Variants in CCDC60 observed in about 807,000 individuals in gnomAD.
CCDC60 encodes the protein coiled-coil domain-containing protein 60.
A neutral mutation model predicts 63.5 loss-of-function variants in CCDC60; 54 were observed. The ratio of observed to expected loss-of-function variants is 0.85; its 90% CI spans 0.68 to 1.07. The LOEUF (loss-of-function observed/expected upper bound fraction) is 1.07, where lower values mean the gene tolerates loss of function less well. Ranked by LOEUF, CCDC60 falls within the 50% of genes least tolerant of loss-of-function variation. CCDC60 has a pLI of 0.00. For missense variants in CCDC60, 651 were observed against 684.3 expected (o/e 0.95, Z 0.54); for synonymous variants, 206 against 238.8 (o/e 0.86, Z 1.27).
chr12:119,338,143 G>C (rs1394717128), intron 1 of CCDC60, among the ~76,000 whole-genome samples: 2 of 151,972 alleles, frequency 1.3e-5, no homozygotes, highest in East Asian at 1.9e-4. Context: ...AGACCCCAGG[G>C]GTTCCTAGCT....
At chr12:119,519,399 A>ATG (rs1307927261) in intron 8 of CCDC60, among the ~76,000 whole-genome samples, 1 of 99,900 alleles carries the variant, frequency 1.0e-5, no homozygotes, top group Non-Finnish European at 2.0e-5. Flanking sequence ...GTAGTGATAT[A>ATG]TATGTGTGTG....
chr12:119,531,286 TG>T (rs1952834034), intron 13 of CCDC60, among the ~76,000 whole-genome samples: 1 of 152,202 alleles, frequency 6.6e-6, no homozygotes, highest in Non-Finnish European at 1.5e-5. Context: ...TCAGAGGCTT[TG>T]GGGTGGCATA....
chr12:119,459,934 T>G (rs949798849), intron 2 of CCDC60, among the ~76,000 whole-genome samples: 2 of 152,228 alleles, frequency 1.3e-5, no homozygotes, highest in African/African-American at 2.4e-5. Context: ...ATACAACTTT[T>G]TCTCTATTGC....
intron 3 of CCDC60, among the ~76,000 whole-genome samples, chr12:119,476,814 A>G (rs1327383901): frequency 6.6e-6 from 1 of 152,092 alleles, no homozygotes; most frequent in East Asian, 1.9e-4. Flanking sequence ...TACTCATGAC[A>G]TGGCCTCCTC....
In CCDC60 at chr12:119,465,049, T is replaced by C. The variant is rs568458470; in HGVS notation, c.171-6945T>C. On this transcript the variant is annotated intron_variant, in intron 2 of 13. Coordinates refer to ENST00000327554, the MANE Select transcript of CCDC60 (RefSeq NM_178499.5). Reference sequence around the variant, plus strand: ...TCTCTGGGCCAGGCGCGGTGGCTCATGCCTGTAATCCCAGCACTTTGGGAG... The same window carrying C: ...TCTCTGGGCCAGGCGCGGTGGCTCACGCCTGTAATCCCAGCACTTTGGGAG... Among the ~76,000 whole-genome samples the C allele has an allele frequency of 1.5e-3, 229 of 152,330 alleles. 3 individuals are homozygous for C. The South Asian group carries it at 0.016, about 11-fold the overall frequency.
chr12:119,491,735 G>A (rs1214540666), intron 5 of CCDC60, among the ~76,000 whole-genome samples: 1 of 145,534 alleles, frequency 6.9e-6, no homozygotes, highest in East Asian at 2.0e-4. Context: ...TTCCTTACTT[G>A]ATTGCTTACA....
intron 7 of CCDC60, among the ~76,000 whole-genome samples, chr12:119,510,413 C>A (rs1218435424): frequency 6.6e-6 from 1 of 152,172 alleles, no homozygotes; most frequent in Admixed American, 6.5e-5. Context: ...GCTGAACCTT[C>A]AAGACCCAGT....
At chr12:119,458,001 G>T (rs1950780020) in intron 2 of CCDC60, among the ~76,000 whole-genome samples, 1 of 152,054 alleles carries the variant, frequency 6.6e-6, no homozygotes, top group Non-Finnish European at 1.5e-5. Context: ...TGCCTCTATG[G>T]GTTGCCTGAA....
intron 2 of CCDC60, among the ~76,000 whole-genome samples, chr12:119,459,624 C>T (rs1257155749): frequency 6.6e-6 from 1 of 152,192 alleles, no homozygotes; most frequent in Non-Finnish European, 1.5e-5. Context: ...ATTGTAAAAC[C>T]TAAGACAGGT....
chr12:119,475,993 T>TA (rs1312855627), intron 3 of CCDC60, among the ~76,000 whole-genome samples: 1 of 152,132 alleles, frequency 6.6e-6, no homozygotes, highest in Non-Finnish European at 1.5e-5. Context: ...CACAAAAGTA[T>TA]AAAAAATACA....
chr12:119,459,493 C>A (rs1950815674), intron 2 of CCDC60, among the ~76,000 whole-genome samples: 1 of 152,114 alleles, frequency 6.6e-6, no homozygotes, highest in African/African-American at 2.4e-5. Context: ...TAGTTTCAAA[C>A]AAAGATGATT....
rs140455731 is a variant in CCDC60, at chr12:119,365,521, T to G, written c.90+30255T>G. Among the ~76,000 whole-genome samples the G allele has an allele frequency of 1.2e-4, 19 of 152,292 alleles. No individual in the cohort carries two copies. The East Asian group carries it at 1.9e-3, about 15-fold the overall frequency. On this transcript the variant is annotated intron_variant, in intron 1 of 13. Coordinates refer to ENST00000327554, the MANE Select transcript of CCDC60 (RefSeq NM_178499.5). ...AAATGTCAACTTTTGTGTGTGTGTG[T>G]GTGTTTTGTTTTGTTTTGCGGTCAG...
intron 1 of CCDC60, among the ~76,000 whole-genome samples, chr12:119,343,301 C>T (rs1955550624): frequency 6.6e-6 from 1 of 152,100 alleles, no homozygotes; most frequent in Non-Finnish European, 1.5e-5. Flanking sequence ...AAATTAGCCG[C>T]GTCTGGCAAT....
chr12:119,515,724 C>T (rs1306851411), intron 7 of CCDC60, among the ~76,000 whole-genome samples: 1 of 152,164 alleles, frequency 6.6e-6, no homozygotes, highest in Non-Finnish European at 1.5e-5. Flanking sequence ...TATCTAAAGG[C>T]ACGTCCAGCA....
intron 13 of CCDC60, among the ~76,000 whole-genome samples, chr12:119,532,301 G>C (rs1441515808): frequency 6.6e-6 from 1 of 152,032 alleles, no homozygotes; most frequent in African/African-American, 2.4e-5. Context: ...GGTAAGAAGA[G>C]GGAGTACTAG....
intron 5 of CCDC60, among the ~76,000 whole-genome samples, chr12:119,490,029 C>T (rs902269657): frequency 2.0e-5 from 3 of 152,194 alleles, no homozygotes; most frequent in Non-Finnish European, 4.4e-5. Flanking sequence ...ATCTCTTGAC[C>T]TCATGATCCG....
At chr12:119,439,209 A>T (rs922585240) in intron 2 of CCDC60, among the ~76,000 whole-genome samples, 2 of 150,110 alleles carry the variant, frequency 1.3e-5, no homozygotes, top group African/African-American at 2.4e-5. Flanking sequence ...CCTAGGAAAC[A>T]CTTAGCTACA....
intron 1 of CCDC60, among the ~76,000 whole-genome samples, chr12:119,399,906 T>C (rs1341820572): frequency 6.6e-6 from 1 of 152,234 alleles, no homozygotes; most frequent in Non-Finnish European, 1.5e-5. Flanking sequence ...ACATGCCTAA[T>C]ATTACACCAC....
intron 2 of CCDC60, among the ~76,000 whole-genome samples, chr12:119,436,921 T>C (rs968357748): frequency 1.3e-5 from 2 of 152,238 alleles, no homozygotes; most frequent in African/African-American, 4.8e-5. Flanking sequence ...TCTCTGTGAA[T>C]TTCTGATCTT....
Sources: allele counts gnomAD v4.1 joint callset (sites outside exome capture counted in the v4.1 genomes callset), GRCh38; gene constraint gnomAD v4.1.1; transcripts MANE v1.5; gene names NCBI Gene and HGNC (gene_info 2026-07-23, HGNC 2026-07-21).